The following CLIP2 variants were observed in gnomAD, a reference collection of about 807,000 sequenced individuals.
The protein encoded by CLIP2 is CAP-Gly domain-containing linker protein 2.
A neutral mutation model predicts 111.7 loss-of-function variants in CLIP2; 41 were observed. The ratio of observed to expected loss-of-function variants is 0.37; its 90% CI spans 0.29 to 0.48. CLIP2 has a LOEUF of 0.48. Among genes scored for constraint, CLIP2 ranks in the 20% least tolerant of loss-of-function variants. The probability of loss-of-function intolerance (pLI) is 0.99; values close to 1 mark genes in which losing one functional copy is unlikely to be tolerated. For missense variants in CLIP2, 1,160 were observed against 1,422.1 expected, an observed-to-expected ratio of 0.82 and a Z score of 2.96; for synonymous variants, 660 against 644.2, an observed-to-expected ratio of 1.02 and a Z score of -0.37.
rs189281068 is a variant in CLIP2 at position 74,333,380 on chromosome 7, C to T, written c.122-5068C>T. Among the ~76,000 whole-genome samples, 416 of 152,088 alleles carry T rather than the reference C, an allele frequency of 2.7e-3. 2 individuals carry two copies. Among genetic ancestry groups the T allele is most frequent in the Non-Finnish European group, 3.9e-3 (266 of 68,006 alleles). On this transcript the variant is annotated intron_variant, in intron 2 of 16. Transcript: ENST00000223398. ...GGTATTTTTAGTAGAGATGGGGTTTCACCATGTTGGCCAGGCTGGTCTCAA... is the reference window on the plus strand; with the variant it reads ...GGTATTTTTAGTAGAGATGGGGTTTTACCATGTTGGCCAGGCTGGTCTCAA...
chr7:74,349,454 A>AGG, intron 3 of CLIP2, among the ~76,000 whole-genome samples: 1 of 60,084 alleles, frequency 1.7e-5, no homozygotes, highest in South Asian at 7.4e-4. Context: ...AAAAGTATGT[A>AGG]TGTGTGTGTG....
At chr7:74,325,432 G>A (rs1453210212) in intron 2 of CLIP2, among the ~76,000 whole-genome samples, 9 of 152,060 alleles carry the variant, frequency 5.9e-5, no homozygotes, top group Non-Finnish European at 8.8e-5. Flanking sequence ...GGTCAGGGAC[G>A]GCCTGGCTCC....
At chr7:74,321,613 C>T (rs925401086) in intron 2 of CLIP2, among the ~76,000 whole-genome samples, 37 of 151,832 alleles carry the variant, frequency 2.4e-4, no homozygotes, top group Admixed American at 1.1e-3. Flanking sequence ...GGATTACAGG[C>T]GCCCGCCACC....
chr7:74,386,371 C>T, intron 11 of CLIP2, 150 bp from the exon 12 acceptor site: 2 of 589,544 alleles, frequency 3.4e-6, no homozygotes, highest in Non-Finnish European at 5.9e-6. Flanking sequence ...GGAGGGGTTA[C>T]CCAGCGAGAC....
chr7:74,349,857 C>T (rs892434649), intron 3 of CLIP2, among the ~76,000 whole-genome samples: 4 of 151,628 alleles, frequency 2.6e-5, no homozygotes, highest in Admixed American at 6.6e-5. Context: ...TCAAGTGATC[C>T]ACCTGCGTCG....
intron 2 of CLIP2, among the ~76,000 whole-genome samples, chr7:74,322,046 C>T (rs371701814): frequency 1.1e-4 from 16 of 144,252 alleles, no homozygotes; most frequent in South Asian, 8.7e-4. Flanking sequence ...TGTAGTGGCA[C>T]GATCTCACGA....
chr7:74,336,875 GTTTTT>G (rs1385833904), intron 2 of CLIP2, among the ~76,000 whole-genome samples: 11 of 36,634 alleles, frequency 3.0e-4, no homozygotes, highest in East Asian at 1.5e-3. Context: ...TTTTTTTTTT[GTTTTT>G]TTTTGTTTTG....
At chr7:74,377,359 C>T (rs112321152) in intron 10 of CLIP2, among the ~76,000 whole-genome samples, 5,212 of 152,292 alleles carry the variant, frequency 0.034, 115 homozygotes, top group Non-Finnish European at 0.05. Context: ...GGAGTGGGGT[C>T]TGGAAGGCTA....
intron 3 of CLIP2, among the ~76,000 whole-genome samples, chr7:74,347,163 C>G (rs1789819261): frequency 6.6e-6 from 1 of 152,180 alleles, no homozygotes; most frequent in Non-Finnish European, 1.5e-5. Context: ...GTTCCTCTAG[C>G]TGATGTCTGG....
At chr7:74,382,073 G>T (rs1554313997) in intron 11 of CLIP2, among the ~76,000 whole-genome samples, 1 of 145,704 alleles carries the variant, frequency 6.9e-6, no homozygotes, top group Non-Finnish European at 1.5e-5. Context: ...ATGAAGTTAA[G>T]AGGTATTTCT....
intron 2 of CLIP2, among the ~76,000 whole-genome samples, chr7:74,332,456 T>A (rs1789316647): frequency 8.1e-6 from 1 of 124,178 alleles, no homozygotes; most frequent in Admixed American, 9.6e-5. Flanking sequence ...CAGCCTAGAA[T>A]TCTCTTTTTT....
intron 1 of CLIP2, among the ~76,000 whole-genome samples, chr7:74,302,930 G>A (rs1788378234): frequency 6.6e-6 from 1 of 152,166 alleles, no homozygotes; most frequent in South Asian, 2.1e-4. Flanking sequence ...TCTTCCTGGG[G>A]CTCCCTCGTA....
rs200256078 is a variant in CLIP2, at chr7:74,390,162, GAAGAAAGAAAGAAAGAAAGAAAGA to G, written c.2720+943_2720+966del. Among the ~76,000 whole-genome samples the G allele has an allele frequency of 5.5e-3, 470 of 85,000 alleles. 6 individuals carry two copies. Among genetic ancestry groups the G allele is most frequent in the Middle Eastern group, 0.026 (5 of 194 alleles). 55.8% of individuals were successfully genotyped at this position (85,000 alleles called of 152,430 possible). A position where few individuals can be genotyped will look rare whatever the true frequency, so the allele number is the denominator to read the frequency against. ...AAAGAAAGAAAGAAAAAGAAAGAAA[GAAGAAAGAAAGAAAGAAAGAAAGA>G]AAGAAAGAAAGAAAGAAAGAAAGAA... On this transcript the variant is annotated intron_variant, in intron 13 of 16. Transcript: ENST00000223398.
chr7:74,394,844 C>T (rs1423572392), intron 13 of CLIP2, among the ~76,000 whole-genome samples: 1 of 152,186 alleles, frequency 6.6e-6, no homozygotes, highest in African/African-American at 2.4e-5. Context: ...GGGCTGCCCT[C>T]CCTCCCCTGT....
intron 8 of CLIP2, among the ~76,000 whole-genome samples, chr7:74,364,639 G>A (rs1790425220): frequency 6.6e-6 from 1 of 152,168 alleles, no homozygotes; most frequent in Admixed American, 6.5e-5. Flanking sequence ...CCCTAAAGGT[G>A]CCCCTTCGTT....
In CLIP2 at chr7:74,369,926, A is replaced by G. The variant is rs13226140; in HGVS notation, c.1381-3006A>G. ...TGTAATCCCAGCACTTTGGGAGGCCAAGGTGGGCGGATCACGAGGTCAGGA... is the reference window on the plus strand; with the variant it reads ...TGTAATCCCAGCACTTTGGGAGGCCGAGGTGGGCGGATCACGAGGTCAGGA... On this transcript the variant is annotated intron_variant, in intron 8 of 16. Transcript: ENST00000223398. 7.9e-3 allele frequency among the ~76,000 whole-genome samples: 494 copies of G among 62,498 alleles called. 36 individuals carry two copies. The highest frequency in any genetic ancestry group is 0.017 in the Middle Eastern group (1 of 58). The allele number at this position is 62,498 out of a possible 152,430, so 41.0% of individuals were successfully genotyped here. A position where few individuals can be genotyped will look rare whatever the true frequency, so the allele number is the denominator to read the frequency against.
At chr7:74,396,763 C>T (rs932765915) in intron 13 of CLIP2, among the ~76,000 whole-genome samples, 5 of 152,052 alleles carry the variant, frequency 3.3e-5, no homozygotes, top group South Asian at 4.1e-4. Context: ...TCAAATGATC[C>T]GCCCACCTCG....
chr7:74,312,779 G>A (rs1323997173), intron 1 of CLIP2, among the ~76,000 whole-genome samples: 4 of 152,126 alleles, frequency 2.6e-5, no homozygotes, highest in African/African-American at 7.2e-5. Flanking sequence ...TCTCGTGGGC[G>A]CACCCCGGCA....
Position 74,357,534 on chromosome 7 carries a change from AC to A in CLIP2, c.1215+60del, listed in dbSNP as rs1790184771. The A allele has an allele frequency of 7.2e-6, 11 of 1,521,466 alleles. No individual in the cohort carries two copies. In the East Asian group the frequency reaches 2.6e-4, roughly 36 times the overall value. The allele number at this position is 1,521,466 out of a possible 1,614,324, so 94.2% of individuals were successfully genotyped here. ...TCTCCAGCCAGCCTCATAGAGTCTC[AC>A]CCACTCAGAGCGGAGACCCTGGAGG... On this transcript the variant is annotated intron_variant, in intron 6 of 16. Coordinates refer to ENST00000223398, the MANE Select transcript of CLIP2 (RefSeq NM_003388.5).
Sources: gnomAD v4.1 joint callset for allele counts (sites outside exome capture counted in the v4.1 genomes callset) on GRCh38, gnomAD v4.1.1 for gene constraint, MANE v1.5 for transcripts, NCBI Gene and HGNC (gene_info 2026-07-23, HGNC 2026-07-21) for gene names.